MYO18B: variants seen among roughly 807,000 people sequenced by gnomAD.
MYO18B encodes myosin XVIIIB.
A neutral mutation model predicts 273.0 loss-of-function variants in MYO18B; 204 were observed. The ratio of observed to expected loss-of-function variants is 0.75; its 90% CI spans 0.67 to 0.84. MYO18B has a LOEUF of 0.84. Ranked by LOEUF, MYO18B falls within the 40% of genes least tolerant of loss-of-function variation. The pLI is 0.00. For missense variants in MYO18B, 3,212 were observed against 3,287.6 expected (o/e 0.98, Z 0.56); for synonymous variants, 1,330 against 1,305.7 (o/e 1.02, Z -0.40).
At chr22:26,062,982 G>T in the MYO18B span, among the ~76,000 whole-genome samples, 5 of 152,242 alleles carry the variant, frequency 3.3e-5, no homozygotes, top group South Asian at 1.0e-3. Context: ...TCTTGGTTTT[G>T]TGTGAACCCA....
chr22:25,858,831 T>C (rs1336851730), intron 21 of MYO18B, among the ~76,000 whole-genome samples: 1 of 152,220 alleles, frequency 6.6e-6, no homozygotes, highest in Non-Finnish European at 1.5e-5. Context: ...GATGCTTCAC[T>C]GAATGAATCT....
At chr22:25,921,475 T>C (rs2092341208) in intron 34 of MYO18B, 66 bp downstream of exon 34, 5 of 1,536,126 alleles carry the variant, frequency 3.3e-6, no homozygotes, top group Admixed American at 3.9e-5. Flanking sequence ...AGAGAATTGC[T>C]GTCCCTCCCA....
In MYO18B at chr22:25,946,349, G is replaced by A. The variant is rs1361858285; in HGVS notation, c.5631+99G>A. Reference sequence around the variant, plus strand: ...GCGCTCAGCACTATAGGAAGTATGAGGACATTTATTGTAAACCTACCAGGT... The same window carrying A: ...GCGCTCAGCACTATAGGAAGTATGAAGACATTTATTGTAAACCTACCAGGT... On this transcript the variant is annotated intron_variant, in intron 35 of 43. Transcript: ENST00000335473. The A allele has an allele frequency of 4.0e-6, 3 of 757,976 alleles. No individual in the cohort carries two copies. In the Admixed American group the frequency reaches 8.4e-5, roughly 21 times the overall value. 47.0% of individuals were successfully genotyped at this position (757,976 alleles called of 1,614,324 possible).
chr22:26,057,893 G>A, the MYO18B span, among the ~76,000 whole-genome samples: 5 of 152,246 alleles, frequency 3.3e-5, no homozygotes, highest in East Asian at 9.6e-4. Flanking sequence ...ATCAGAGGGA[G>A]GGCAGATAAG....
chr22:25,760,680 G>T (rs1365102984), intron 1 of MYO18B, among the ~76,000 whole-genome samples: 4 of 152,158 alleles, frequency 2.6e-5, no homozygotes, highest in Admixed American at 6.5e-5. Context: ...CTTGATCAGG[G>T]TGCTAGTTAT....
At chr22:25,780,464 C>T (rs988715843) in intron 9 of MYO18B, among the ~76,000 whole-genome samples, 1 of 151,700 alleles carries the variant, frequency 6.6e-6, no homozygotes, top group Non-Finnish European at 1.5e-5. Flanking sequence ...GTGGCAGGTG[C>T]CTGTAATCTC....
downstream of MYO18B, among the ~76,000 whole-genome samples, chr22:26,034,558 A>T (rs535104350): frequency 1.4e-5 from 2 of 142,552 alleles, no homozygotes; most frequent in East Asian, 3.9e-4. Context: ...CTGCTCCCTG[A>T]TGCCTCTGTG....
chr22:25,777,055 A>C (rs780763777), intron 7 of MYO18B, among the ~76,000 whole-genome samples: 4 of 152,202 alleles, frequency 2.6e-5, no homozygotes, highest in Admixed American at 2.6e-4. Flanking sequence ...CCTGCTGCAT[A>C]GTAGACACTC....
At chr22:26,034,804 T>C (rs1254551023), downstream of MYO18B, among the ~76,000 whole-genome samples, 3 of 152,104 alleles carry the variant, frequency 2.0e-5, no homozygotes, top group East Asian at 5.8e-4. Context: ...GTGGGGAAAA[T>C]GAGTCTCAGA....
rs764350635 is a variant in MYO18B, at chr22:26,026,426, A to T, written c.6471-19A>T. ...GAATTGCACAATTTCTACAGACTGC[A>T]TTTTTCTTCTTGGCACAGGATAAAC... On this transcript the variant is annotated intron_variant, in intron 42 of 43. Transcript: ENST00000335473. The T allele has an allele frequency of 6.3e-7, 1 of 1,585,624 alleles. No homozygotes were observed. The highest frequency in any genetic ancestry group is 8.6e-7 in the Non-Finnish European group (1 of 1,164,858).
At position 25,768,230 on chromosome 22, in the gene MYO18B, T is replaced by C. The variant is rs1293045116; in HGVS notation, c.314T>C (p.Leu105Pro). 1.9e-6 allele frequency: 3 copies of C among 1,613,888 alleles called. No individual in the cohort carries two copies. The African/African-American group carries it at 4.0e-5, about 22-fold the overall frequency. ...QSSSPGSSDI[L>P]GKESEGSRSP... is the part of the protein sequence containing the mutation. ...AGCTCTCCTGGGAGCTCAGACATTC[T>C]GGGCAAGGAGAGCGAGGGGTCCCGC... is the stretch of plus-strand genomic sequence containing the variant. Residue 105 changes from leucine (L) to proline (P), a missense_variant, in exon 4 of 44, where the codon CTG (leucine) becomes CCG (proline). Transcript: ENST00000335473.
chr22:25,856,228 G>T (rs1316021880), intron 21 of MYO18B, among the ~76,000 whole-genome samples: 1 of 152,048 alleles, frequency 6.6e-6, no homozygotes, highest in East Asian at 1.9e-4. Context: ...TTTGATAGTT[G>T]CCATGCTAAT....
rs2088183201 is a variant in MYO18B, at chr22:25,801,297, A to G, written c.2521+3200A>G. Among the ~76,000 whole-genome samples, 4 of 152,204 alleles carry G rather than the reference A, an allele frequency of 2.6e-5. No individual in the cohort carries two copies. In the South Asian group the frequency reaches 8.3e-4, roughly 32 times the overall value. Reference sequence around the variant, plus strand: ...ACAGGGTTTTTGAACTGTTATAGCAATGACAATCACCACTAATATTGGCCT... The same window carrying G: ...ACAGGGTTTTTGAACTGTTATAGCAGTGACAATCACCACTAATATTGGCCT... On this transcript the variant is annotated intron_variant, in intron 12 of 43. Transcript: ENST00000335473.
At chr22:25,941,117 A>C (rs1601631079) in intron 34 of MYO18B, among the ~76,000 whole-genome samples, 2 of 152,232 alleles carry the variant, frequency 1.3e-5, no homozygotes, top group African/African-American at 4.8e-5. Flanking sequence ...AAAAGTAAAA[A>C]TTGGAAGAGA....
chr22:25,747,778 C>G (rs2085825452), intron 1 of MYO18B, among the ~76,000 whole-genome samples: 1 of 152,218 alleles, frequency 6.6e-6, no homozygotes, highest in African/African-American at 2.4e-5. Flanking sequence ...GACATAGCTG[C>G]TGCCAAGGAC....
Position 25,902,630 on chromosome 22 carries a change from C to T in MYO18B, c.4841C>T (p.Ala1614Val), listed in dbSNP as rs898008537. 1.9e-6 allele frequency: 3 copies of T among 1,606,788 alleles called. No homozygotes were observed. Among genetic ancestry groups the T allele is most frequent in the Non-Finnish European group, 2.5e-6 (3 of 1,176,696 alleles). The change falls in exon 30 of 44, where the codon GCC becomes GTC. Residue 1614 changes from alanine to valine, a missense_variant. Ala to Val is a moderately conservative substitution (Grantham distance 64). Coordinates refer to ENST00000335473, the MANE Select transcript of MYO18B (RefSeq NM_032608.7). ...TTGCACAGGTTTGACCTGCAGCTGG[C>T]CCAGGCCCTAGGTGAGTCAGTGTTT... is the stretch of plus-strand genomic sequence containing the variant. The part of the protein sequence containing the change: ...KKQKKFDLQL[A>V]QALGESVFEK...
chr22:26,059,914 TA>T, the MYO18B span, among the ~76,000 whole-genome samples: 1 of 152,260 alleles, frequency 6.6e-6, no homozygotes, highest in African/African-American at 2.4e-5. Flanking sequence ...TGGCATGTCC[TA>T]AAGACACATG....
chr22:26,060,650 C>T, the MYO18B span, among the ~76,000 whole-genome samples: 2 of 152,092 alleles, frequency 1.3e-5, no homozygotes, highest in African/African-American at 2.4e-5. Context: ...TACACACATC[C>T]ACACATTTAT....
intron 42 of MYO18B, among the ~76,000 whole-genome samples, chr22:26,012,317 T>G (rs1019367892): frequency 1.3e-5 from 2 of 152,244 alleles, no homozygotes; most frequent in Non-Finnish European, 2.9e-5. Flanking sequence ...CTGATGCTAA[T>G]CTTATTTCAA....
Sources: allele counts gnomAD v4.1 joint callset (sites outside exome capture counted in the v4.1 genomes callset), GRCh38; gene constraint gnomAD v4.1.1; transcripts MANE v1.5; gene names NCBI Gene and HGNC (gene_info 2026-07-23, HGNC 2026-07-21).